RIMS1: variants seen among roughly 807,000 people sequenced by gnomAD.
RIMS1 encodes the protein regulating synaptic membrane exocytosis 1.
In RIMS1, 83 loss-of-function variants were observed where a neutral mutation model predicts 214.1. The ratio of observed to expected loss-of-function variants is 0.39; its 90% confidence interval spans 0.32 to 0.47. RIMS1 has a LOEUF of 0.47. Among genes scored for constraint, RIMS1 ranks in the 20% least tolerant of loss-of-function variants. The pLI is 0.99. For missense variants in RIMS1, 2,050 were observed against 2,161.8 expected (o/e 0.95, Z 1.03); for synonymous variants, 793 against 786.8 (o/e 1.01, Z -0.13).
chr6:71,903,472 G>A (rs906187294), intron 1 of RIMS1, among the ~76,000 whole-genome samples: 1 of 152,102 alleles, frequency 6.6e-6, no homozygotes, highest in African/African-American at 2.4e-5. Flanking sequence ...AACGTCAAAA[G>A]CAATTGCAAC....
At position 72,201,382 on chromosome 6, in the gene RIMS1, T is replaced by A. The variant is rs1589029077; in HGVS notation, c.1678+18233T>A. On this transcript the variant is annotated intron_variant, in intron 6 of 33. Coordinates refer to ENST00000521978, the MANE Select transcript of RIMS1 (RefSeq NM_014989.7). ...AGATTTGATATTGAAGATTTCAGTA[T>A]CACCTGTTTTATCTCAGTAAGTTGT... Among the ~76,000 whole-genome samples the A allele has an allele frequency of 2.0e-5, 3 of 152,252 alleles. No individual in the cohort carries two copies. The East Asian group carries it at 5.8e-4, about 29-fold the overall frequency.
At chr6:71,961,213 G>C (rs1050393248) in intron 1 of RIMS1, among the ~76,000 whole-genome samples, 3 of 152,130 alleles carry the variant, frequency 2.0e-5, no homozygotes, top group Admixed American at 2.0e-4. Flanking sequence ...CTTTCTGGAA[G>C]AAAATGGAGA....
At chr6:71,908,313 G>A (rs577653325) in intron 1 of RIMS1, among the ~76,000 whole-genome samples, 1 of 152,282 alleles carries the variant, frequency 6.6e-6, no homozygotes, top group East Asian at 1.9e-4. Flanking sequence ...GAGAAATGAG[G>A]CATCCGTTGG....
At chr6:72,280,198 A>T (rs1001570186) in intron 23 of RIMS1, among the ~76,000 whole-genome samples, 1 of 151,992 alleles carries the variant, frequency 6.6e-6, no homozygotes, top group African/African-American at 2.4e-5. Context: ...AGCAACTACC[A>T]TATGCTAGGT....
chr6:72,304,921 A>G (rs530788320), intron 26 of RIMS1, among the ~76,000 whole-genome samples: 6 of 152,008 alleles, frequency 3.9e-5, no homozygotes, highest in Admixed American at 3.9e-4. Flanking sequence ...AGGGGAGTCT[A>G]CTCATCATTT....
At chr6:71,968,127 C>T (rs1050154109) in intron 1 of RIMS1, among the ~76,000 whole-genome samples, 2 of 152,186 alleles carry the variant, frequency 1.3e-5, no homozygotes, top group Non-Finnish European at 1.5e-5. Flanking sequence ...TATAACCAAG[C>T]CTTCTCTATT....
At chr6:72,011,624 A>T (rs1212884343) in intron 2 of RIMS1, among the ~76,000 whole-genome samples, 2 of 152,190 alleles carry the variant, frequency 1.3e-5, no homozygotes, top group Admixed American at 1.3e-4. Context: ...AACTCAAACA[A>T]ATTTACAAGA....
At chr6:72,380,156 C>T (rs1257438060) in intron 29 of RIMS1, among the ~76,000 whole-genome samples, 1 of 152,056 alleles carries the variant, frequency 6.6e-6, no homozygotes, top group Non-Finnish European at 1.5e-5. Context: ...GATAGAAAAC[C>T]AAACACCGCA....
intron 1 of RIMS1, among the ~76,000 whole-genome samples, chr6:71,925,740 A>G (rs1255193316): frequency 1.3e-5 from 2 of 152,248 alleles, no homozygotes; most frequent in Admixed American, 1.3e-4. Context: ...ATTTGAATAA[A>G]GAAAGAAAAA....
intron 2 of RIMS1, among the ~76,000 whole-genome samples, chr6:72,089,006 G>A (rs1411086157): frequency 2.0e-5 from 3 of 151,910 alleles, no homozygotes; most frequent in African/African-American, 7.3e-5. Context: ...GGGAAAGGGA[G>A]ATCTTAGACT....
chr6:72,245,882 T>A (rs1465878935), intron 11 of RIMS1, 21 bp downstream of exon 11: 4 of 1,540,454 alleles, frequency 2.6e-6, no homozygotes, highest in Non-Finnish European at 3.6e-6. Flanking sequence ...GGTTTCTTTG[T>A]TATTATAAAA....
At chr6:72,075,294 G>C (rs777408948) in intron 2 of RIMS1, among the ~76,000 whole-genome samples, 1 of 152,054 alleles carries the variant, frequency 6.6e-6, no homozygotes, top group Non-Finnish European at 1.5e-5. Context: ...AACGTGTAGA[G>C]AGAGTGTCTT....
intron 6 of RIMS1, among the ~76,000 whole-genome samples, chr6:72,189,383 G>A (rs766593415): frequency 1.3e-4 from 20 of 152,300 alleles, no homozygotes; most frequent in South Asian, 4.1e-4. Flanking sequence ...TTCTTTAGCC[G>A]TAAAGTGAGT....
intron 2 of RIMS1, among the ~76,000 whole-genome samples, chr6:72,052,810 T>G (rs745333960): frequency 8.5e-5 from 13 of 152,196 alleles, no homozygotes; most frequent in Non-Finnish European, 1.3e-4. Context: ...ACAAACATAA[T>G]TATACCATAT....
intron 28 of RIMS1, among the ~76,000 whole-genome samples, chr6:72,331,248 A>T (rs995032532): frequency 4.6e-5 from 7 of 151,780 alleles, no homozygotes; most frequent in Non-Finnish European, 5.9e-5. Context: ...TGTGACTGAT[A>T]TTAGAGATGG....
chr6:72,231,941 T>C (rs1229918444), intron 6 of RIMS1, among the ~76,000 whole-genome samples: 3 of 151,654 alleles, frequency 2.0e-5, no homozygotes, highest in African/African-American at 7.2e-5. Flanking sequence ...ATATGAGAAA[T>C]TGGGGCATGA....
chr6:71,977,468 A>C (rs1319885395), intron 2 of RIMS1, among the ~76,000 whole-genome samples: 1 of 152,182 alleles, frequency 6.6e-6, no homozygotes, highest in African/African-American at 2.4e-5. Flanking sequence ...AACAAAGCAG[A>C]GTCTTTGTCC....
intron 2 of RIMS1, among the ~76,000 whole-genome samples, chr6:71,984,468 T>A (rs9446525): frequency 0.53 from 80,700 of 151,390 alleles, 21,904 homozygotes; most frequent in East Asian, 0.85. Flanking sequence ...AACCACAGTG[T>A]TACTAAAATT....
intron 1 of RIMS1, among the ~76,000 whole-genome samples, chr6:71,918,003 T>C (rs1256495811): frequency 1.3e-5 from 2 of 152,072 alleles, no homozygotes; most frequent in African/African-American, 4.8e-5. Flanking sequence ...AACTTTGAGA[T>C]GATGATTAGC....
Sources: gnomAD v4.1 joint callset for allele counts (sites outside exome capture counted in the v4.1 genomes callset) on GRCh38, gnomAD v4.1.1 for gene constraint, MANE v1.5 for transcripts, NCBI Gene and HGNC (gene_info 2026-07-23, HGNC 2026-07-21) for gene names.